Variants in APBA2 observed in about 807,000 individuals in gnomAD.
APBA2 encodes the protein amyloid-beta A4 precursor protein-binding family A member 2.
A neutral mutation model predicts 75.0 loss-of-function variants in APBA2; 30 were observed. That is an observed-to-expected ratio of 0.40 (90% CI 0.30 to 0.54). The LOEUF (loss-of-function observed/expected upper bound fraction) is 0.54. APBA2 is among the 20% of genes least tolerant of loss of function. The pLI, the probability that APBA2 is intolerant of heterozygous loss-of-function variation, is 0.49. For missense variants in APBA2, 801 were observed against 1,016.1 expected, an observed-to-expected ratio of 0.79 and a Z score of 2.88; for synonymous variants, 444 against 409.6, an observed-to-expected ratio of 1.08 and a Z score of -1.01.
intron 3 of APBA2, among the ~76,000 whole-genome samples, chr15:29,042,886 C>A (rs1221249729): frequency 1.3e-5 from 2 of 152,134 alleles, no homozygotes; most frequent in Non-Finnish European, 2.9e-5. Flanking sequence ...GCGCCCCTTT[C>A]TCCAGCATGT....
intron 1 of APBA2, among the ~76,000 whole-genome samples, chr15:28,915,873 C>T (rs1471847316): frequency 1.3e-5 from 2 of 151,078 alleles, no homozygotes; most frequent in Non-Finnish European, 3.0e-5. Flanking sequence ...TCCAGGACAC[C>T]CCCCACCATA....
At chr15:28,983,584 G>A (rs2037738827) in intron 2 of APBA2, among the ~76,000 whole-genome samples, 1 of 152,250 alleles carries the variant, frequency 6.6e-6, no homozygotes, top group South Asian at 2.1e-4. Context: ...GGCATGTAAT[G>A]TAGTGAACAA....
Position 28,886,020 on chromosome 15 carries a change from A to T in APBA2, c.-463A>T, listed in dbSNP as rs1001899952. On this transcript the variant is annotated 5_prime_UTR_variant, in exon 1 of 15. Transcript: ENST00000683413. Reference sequence around the variant, plus strand: ...GCGGAAGCGGCCGGGGCGGGGGCGCAGGCCCGGCAGCCGCAGGCCGGTGCG... The same window carrying T: ...GCGGAAGCGGCCGGGGCGGGGGCGCTGGCCCGGCAGCCGCAGGCCGGTGCG... 9 of 148,874 alleles carry T rather than the reference A, an allele frequency of 6.0e-5. No homozygotes were observed. The highest frequency in any genetic ancestry group is 2.2e-4 in the African/African-American group (9 of 40,866). 9.2% of individuals were successfully genotyped at this position (148,874 alleles called of 1,614,324 possible).
At chr15:28,976,794 C>T (rs1225754778) in intron 2 of APBA2, among the ~76,000 whole-genome samples, 2 of 152,126 alleles carry the variant, frequency 1.3e-5, no homozygotes, top group African/African-American at 4.8e-5. Flanking sequence ...TCTTATTCTG[C>T]CTTTCATTGG....
At chr15:28,928,588 C>T (rs2034402225) in intron 2 of APBA2, among the ~76,000 whole-genome samples, 1 of 152,164 alleles carries the variant, frequency 6.6e-6, no homozygotes, top group Admixed American at 6.5e-5. Flanking sequence ...TTTCCAGACC[C>T]CAAACAGGAG....
chr15:28,990,645 G>A (rs868443586), intron 2 of APBA2: 1 of 152,278 alleles, frequency 6.6e-6, no homozygotes, highest in East Asian at 1.9e-4. Flanking sequence ...CTTTGGCTTT[G>A]TGAGCCCTGT....
chr15:29,104,481 C>T (rs1417908039), intron 10 of APBA2, among the ~76,000 whole-genome samples: 3 of 152,252 alleles, frequency 2.0e-5, no homozygotes, highest in Non-Finnish European at 4.4e-5. Context: ...CGGCCAGGCC[C>T]TGAGTGCTGT....
At chr15:28,886,748 G>C (rs571005970) in intron 1 of APBA2, among the ~76,000 whole-genome samples, 1 of 152,138 alleles carries the variant, frequency 6.6e-6, no homozygotes, top group Admixed American at 6.5e-5. Flanking sequence ...CCAGATCTTC[G>C]CCCCCTTCCC....
chr15:28,999,895 CA>C lies in APBA2; in HGVS notation c.-41+4090del, dbSNP rs542654952. 6.8e-4 allele frequency among the ~76,000 whole-genome samples: 104 copies of C among 152,262 alleles called. 1 individual carries two copies. The South Asian group carries it at 0.021, about 30-fold the overall frequency. On this transcript the variant is annotated intron_variant, in intron 3 of 14. Coordinates refer to ENST00000683413, the MANE Select transcript of APBA2 (RefSeq NM_001353788.2). ...TATTGTAGTGCAAAGGCCTGGAAAG[CA>C]GAGAACTGGTGCAGATTCCAGTCCA... is the stretch of plus-strand genomic sequence containing the variant.
At chr15:29,114,332 C>T (rs1436650221) in intron 14 of APBA2, among the ~76,000 whole-genome samples, 1 of 152,230 alleles carries the variant, frequency 6.6e-6, no homozygotes, top group Non-Finnish European at 1.5e-5. Context: ...GGCAGGCTTG[C>T]CTCTCTGCCC....
chr15:28,973,677 A>AAGGT (rs951753878), intron 2 of APBA2, among the ~76,000 whole-genome samples: 20 of 152,348 alleles, frequency 1.3e-4, no homozygotes, highest in Admixed American at 8.5e-4. Context: ...GACCGAAAGA[A>AAGGT]AGGTAGGGAT....
intron 4 of APBA2, among the ~76,000 whole-genome samples, chr15:29,063,538 T>G (rs34103682): frequency 7.4e-5 from 5 of 67,438 alleles, no homozygotes; most frequent in African/African-American, 2.6e-4. Flanking sequence ...GTATGGGTGG[T>G]GCGGGGAGTT....
chr15:28,900,906 A>G (rs989333859), intron 1 of APBA2, among the ~76,000 whole-genome samples: 1 of 152,122 alleles, frequency 6.6e-6, no homozygotes, highest in Non-Finnish European at 1.5e-5. Flanking sequence ...CCTTGTCCAC[A>G]TGCATGCGGC....
intron 2 of APBA2, among the ~76,000 whole-genome samples, chr15:28,935,393 C>G (rs982932444): frequency 2.0e-5 from 3 of 151,872 alleles, no homozygotes; most frequent in Non-Finnish European, 4.4e-5. Context: ...TTTTAATTTG[C>G]CCCTGGGGGA....
At position 29,046,967 on chromosome 15, in the gene APBA2, C is replaced by G. The variant is rs575769543; in HGVS notation, c.-40-6878C>G. Among the ~76,000 whole-genome samples the G allele has an allele frequency of 6.6e-6, 1 of 152,302 alleles. No individual in the cohort carries two copies. The highest frequency in any genetic ancestry group is 2.4e-5 in the African/African-American group (1 of 41,566). On this transcript the variant is annotated intron_variant, in intron 3 of 14. Transcript: ENST00000683413. The surrounding 1 kb of genome is among the most constrained non-coding windows in gnomAD (Gnocchi z 5.0). ...TTTCATTGACATTTTCCTTAACTCC[C>G]TTTATGTAGTGTTTATGGAGTTCAG...
At chr15:28,887,661 A>G (rs2031839318) in intron 1 of APBA2, among the ~76,000 whole-genome samples, 1 of 152,068 alleles carries the variant, frequency 6.6e-6, no homozygotes, top group African/African-American at 2.4e-5. Context: ...TGAGCTTAGG[A>G]TCTGCCAGGC....
chr15:28,959,973 A>G (rs1163615817), intron 2 of APBA2, among the ~76,000 whole-genome samples: 2 of 152,058 alleles, frequency 1.3e-5, no homozygotes, highest in African/African-American at 2.4e-5. Flanking sequence ...GTGAAACGCC[A>G]TCTCTACTAA....
rs943594747 is a variant in APBA2 at position 29,054,639 on chromosome 15, A to G, written c.755A>G (p.His252Arg). ...ITSASEASPEHGPEPGPEDSV... is the reference protein window; with the variant it reads ...ITSASEASPERGPEPGPEDSV... Reference sequence around the variant, plus strand: ...AGCGCCAGTGAGGCCAGCCCCGAGCATGGGCCTGAGCCAGGGCCTGAGGAC... The same window carrying G: ...AGCGCCAGTGAGGCCAGCCCCGAGCGTGGGCCTGAGCCAGGGCCTGAGGAC... Residue 252 changes from histidine (H) to arginine (R), a missense_variant, in exon 4 of 15, where the codon CAT becomes CGT. By Grantham distance (29) the His-to-Arg change is conservative. Around this residue, in one of 2 missense-constraint regions of APBA2, gnomAD observed 434 missense variants for 471.6 expected, o/e 0.92. Transcript: ENST00000683413. The surrounding 1 kb of genome is among the most constrained non-coding windows in gnomAD (Gnocchi z 6.1). 3.7e-6 allele frequency: 6 copies of G among 1,614,040 alleles called. No individual in the cohort carries two copies. The African/African-American group carries it at 4.0e-5, about 11-fold the overall frequency.
intron 1 of APBA2, among the ~76,000 whole-genome samples, chr15:28,915,928 T>A (rs1360994744): frequency 6.6e-6 from 1 of 151,480 alleles, no homozygotes; most frequent in Non-Finnish European, 1.5e-5. Flanking sequence ...AGTTACCACA[T>A]ACACACCACA....
Sources: gnomAD v4.1 joint callset for allele counts (sites outside exome capture counted in the v4.1 genomes callset) on GRCh38, gnomAD v4.1.1 for gene constraint, gnomAD v4.1.1 regional missense constraint, Gnocchi (gnomAD v3.1) non-coding constraint, MANE v1.5 for transcripts, NCBI Gene and HGNC (gene_info 2026-07-23, HGNC 2026-07-21) for gene names.